Variants in SEMA5B observed in about 807,000 individuals in gnomAD.
SEMA5B encodes semaphorin-5B.
In SEMA5B, 66 loss-of-function variants were observed where a neutral mutation model predicts 135.0. That is an observed-to-expected ratio of 0.49 (90% confidence interval 0.40 to 0.60). The LOEUF (loss-of-function observed/expected upper bound fraction) is 0.60. Ranked by LOEUF, SEMA5B falls within the 20% of genes least tolerant of loss-of-function variation. The pLI, the probability that SEMA5B is intolerant of heterozygous loss-of-function variation, is 0.00. For missense variants in SEMA5B, 1,501 were observed against 1,566.3 expected (o/e 0.96, Z 0.70); for synonymous variants, 690 against 639.5 (o/e 1.08, Z -1.19).
intron 1 of SEMA5B, among the ~76,000 whole-genome samples, chr3:122,964,966 G>A (rs889223016): frequency 2.0e-5 from 3 of 152,220 alleles, no homozygotes; most frequent in African/African-American, 2.4e-5. Context: ...CAGGAGAACA[G>A]CCTCCTGGCT....
intron 1 of SEMA5B, among the ~76,000 whole-genome samples, chr3:123,004,297 A>T (rs1230113828): frequency 6.6e-6 from 1 of 152,258 alleles, no homozygotes; most frequent in Non-Finnish European, 1.5e-5. Flanking sequence ...TGTGTCTAGC[A>T]AGAAGGGACA....
intron 1 of SEMA5B, among the ~76,000 whole-genome samples, chr3:122,962,910 G>C (rs1249152102): frequency 1.3e-5 from 2 of 152,100 alleles, no homozygotes; most frequent in Non-Finnish European, 2.9e-5. Context: ...AACTAGGGAG[G>C]CTAGAGAGGA....
At chr3:122,918,012 C>T (rs1329866604) in intron 12 of SEMA5B, among the ~76,000 whole-genome samples, 1 of 152,168 alleles carries the variant, frequency 6.6e-6, no homozygotes, top group Non-Finnish European at 1.5e-5. Context: ...CTCAGCAAAG[C>T]CCACTCCTGA....
intron 2 of SEMA5B, among the ~76,000 whole-genome samples, chr3:122,957,931 G>C (rs549996469): frequency 6.6e-6 from 1 of 152,354 alleles, no homozygotes; most frequent in East Asian, 1.9e-4. Flanking sequence ...GGTTTTCTGA[G>C]TTGGCTTCCT....
chr3:122,914,994 C>G (rs888956151), intron 14 of SEMA5B, among the ~76,000 whole-genome samples: 6 of 152,152 alleles, frequency 3.9e-5, no homozygotes, highest in African/African-American at 1.4e-4. Context: ...TTTAACCCTC[C>G]CAACAACTCT....
intron 1 of SEMA5B, among the ~76,000 whole-genome samples, chr3:122,997,518 T>TCTCCA (rs764169923): frequency 7.0e-6 from 1 of 142,782 alleles, no homozygotes; most frequent in Admixed American, 6.9e-5. Flanking sequence ...CCCAGGCCTC[T>TCTCCA]CCCCCCCCCG....
chr3:123,011,687 A>G (rs965220870), intron 1 of SEMA5B, among the ~76,000 whole-genome samples: 7 of 152,182 alleles, frequency 4.6e-5, no homozygotes, highest in African/African-American at 1.7e-4. Context: ...CTCCTAACAG[A>G]GGAACAGGCA....
Position 122,923,466 on chromosome 3 carries a change from A to G in SEMA5B, c.1272+151T>C, listed in dbSNP as rs947225747. The G allele has an allele frequency of 8.4e-6, 7 of 829,714 alleles. No homozygotes were observed. In the African/African-American group the frequency reaches 1.2e-4, roughly 14 times the overall value. The allele number at this position is 829,714 out of a possible 1,614,324, so 51.4% of individuals were successfully genotyped here. ...CACAGTTGTAGAGGCTAATACCCTC[A>G]GGGAACCATTGTGGACCCCAGAGAT... On this transcript the variant is annotated intron_variant, in intron 10 of 22. Coordinates refer to ENST00000357599, the MANE Select transcript of SEMA5B (RefSeq NM_001031702.4).
At chr3:122,995,593 C>A (rs1461478821) in intron 1 of SEMA5B, among the ~76,000 whole-genome samples, 1 of 152,166 alleles carries the variant, frequency 6.6e-6, no homozygotes, top group Non-Finnish European at 1.5e-5. Flanking sequence ...GACACAGCAC[C>A]CAAGCTTGAG....
chr3:123,016,046 T>C (rs529598451), intron 1 of SEMA5B, among the ~76,000 whole-genome samples: 7 of 152,258 alleles, frequency 4.6e-5, no homozygotes, highest in Non-Finnish European at 7.4e-5. Flanking sequence ...AACCTGCTCA[T>C]GCTCACAGAA....
intron 1 of SEMA5B, among the ~76,000 whole-genome samples, chr3:122,990,984 G>A (rs1301874963): frequency 6.6e-6 from 1 of 152,162 alleles, no homozygotes; most frequent in African/African-American, 2.4e-5. Context: ...ATGCACACGC[G>A]TGTGTATGCT....
intron 1 of SEMA5B, among the ~76,000 whole-genome samples, chr3:123,026,790 C>A (rs955485923): frequency 1.3e-5 from 2 of 152,236 alleles, no homozygotes; most frequent in African/African-American, 4.8e-5. Flanking sequence ...CCGCTCGCGT[C>A]CCTGCTTCCA....
intron 1 of SEMA5B, among the ~76,000 whole-genome samples, chr3:122,970,015 G>T (rs776839911): frequency 2.0e-5 from 3 of 152,150 alleles, no homozygotes; most frequent in African/African-American, 4.8e-5. Flanking sequence ...GGGTGGCTCC[G>T]TGTCTCGGCT....
At chr3:123,015,617 G>A (rs1486954530) in intron 1 of SEMA5B, among the ~76,000 whole-genome samples, 2 of 152,256 alleles carry the variant, frequency 1.3e-5, no homozygotes, top group East Asian at 3.9e-4. Context: ...CATGGAAGAG[G>A]GATGAACACC....
At chr3:123,026,767 A>T (rs1480519785) in intron 1 of SEMA5B, among the ~76,000 whole-genome samples, 2 of 152,220 alleles carry the variant, frequency 1.3e-5, no homozygotes, top group Non-Finnish European at 2.9e-5. Context: ...GAGAAACATA[A>T]ATCGGGAAAT....
intron 5 of SEMA5B, among the ~76,000 whole-genome samples, chr3:122,937,902 C>T (rs1053411685): frequency 1.3e-5 from 2 of 152,236 alleles, no homozygotes; most frequent in African/African-American, 2.4e-5. Context: ...GGGTCCACTT[C>T]CTCCCGCCCA....
chr3:122,988,689 A>G, intron 1 of SEMA5B, among the ~76,000 whole-genome samples: 1 of 152,216 alleles, frequency 6.6e-6, no homozygotes, highest in East Asian at 1.9e-4. Context: ...CACATCTGTT[A>G]TCTCCTAAGG....
In SEMA5B at chr3:122,943,416, A is replaced by C. The variant is rs1939650944; in HGVS notation, c.428+20T>G. 1 of 1,549,738 alleles carries C rather than the reference A, an allele frequency of 6.5e-7. No homozygotes were observed. The highest frequency in any genetic ancestry group is 1.9e-5 in the Admixed American group (1 of 53,868). ...CCAAGCCCCTGCACTTCCCACCCCG[A>C]CCCTTCTGCCCCTTGTTACCTGGCT... On this transcript the variant is annotated intron_variant, in intron 4 of 22. Coordinates refer to ENST00000357599, the MANE Select transcript of SEMA5B (RefSeq NM_001031702.4).
chr3:122,967,856 G>A (rs1253717035), intron 1 of SEMA5B, among the ~76,000 whole-genome samples: 1 of 152,244 alleles, frequency 6.6e-6, no homozygotes, highest in Non-Finnish European at 1.5e-5. Context: ...AGGAGGTAGG[G>A]GAAGAAGTAG....
Sources: allele counts gnomAD v4.1 joint callset (sites outside exome capture counted in the v4.1 genomes callset), GRCh38; gene constraint gnomAD v4.1.1; transcripts MANE v1.5; gene names NCBI Gene and HGNC (gene_info 2026-07-23, HGNC 2026-07-21).